Variants in SEC14L3 observed in about 807,000 individuals in gnomAD.
SEC14L3 encodes SEC14-like protein 3.
SEC14L3 carries 56 observed loss-of-function variants against 57.4 expected under a neutral mutation model. The observed-to-expected ratio is 0.97, with a 90% CI of 0.79 to 1.22. SEC14L3 has a LOEUF of 1.22. Ranked by LOEUF, SEC14L3 falls within the 50% of genes most tolerant of loss-of-function variation. The pLI is 0.00. For missense variants in SEC14L3, 485 were observed against 511.7 expected (o/e 0.95, Z 0.50); for synonymous variants, 173 against 194.4 (o/e 0.89, Z 0.92).
chr22:30,459,745 A>T lies in SEC14L3; in HGVS notation c.*276T>A. 1 of 1,129,082 alleles carries T rather than the reference A, an allele frequency of 8.9e-7. No individual in the cohort carries two copies. Among genetic ancestry groups the T allele is most frequent in the Non-Finnish European group, 1.1e-6 (1 of 916,426 alleles). 69.9% of individuals were successfully genotyped at this position (1,129,082 alleles called of 1,614,324 possible). On this transcript the variant is annotated 3_prime_UTR_variant, in exon 12 of 12. Transcript: ENST00000215812. ...GGTAGGTGAGGACAAAGGCTAGGGG[A>T]TTCATTTTGCTATTTATTGAGTTTC...
intron 12 of SEC14L3, among the ~76,000 whole-genome samples, chr22:30,450,793 C>A (rs1397756537): frequency 1.3e-5 from 2 of 152,180 alleles, no homozygotes; most frequent in Non-Finnish European, 2.9e-5. Flanking sequence ...CTTGGCTGAC[C>A]TTGTGCCAGG....
exon 13 of SEC14L3, chr22:30,448,844 A>ATCG: frequency 4.3e-6 from 2 of 460,604 alleles, no homozygotes; most frequent in Non-Finnish European, 7.8e-6. Context: ...GTGAGCTATG[A>ATCG]TCGCACCACT....
Position 30,468,700 on chromosome 22 carries a change from G to A in SEC14L3, c.235-4C>T. 1 of 1,613,506 alleles carries A rather than the reference G, an allele frequency of 6.2e-7. No homozygotes were observed. The highest frequency in any genetic ancestry group is 8.5e-7 in the Non-Finnish European group (1 of 1,179,712). On this transcript the variant is annotated splice_region_variant and splice_polypyrimidine_tract_variant and intron_variant, in intron 4 of 11. Coordinates refer to ENST00000215812, the MANE Select transcript of SEC14L3 (RefSeq NM_174975.5). Reference sequence around the variant, plus strand: ...CAGGCATGTACTTCTGGATCACCTGGGCATGAAAAGATGCACAGAACTTGG... The same window carrying A: ...CAGGCATGTACTTCTGGATCACCTGAGCATGAAAAGATGCACAGAACTTGG...
intron 8 of SEC14L3, among the ~76,000 whole-genome samples, chr22:30,462,994 CA>C (rs1344288904): frequency 3.9e-5 from 6 of 152,190 alleles, no homozygotes; most frequent in Non-Finnish European, 8.8e-5. Flanking sequence ...CTCGGCCTCC[CA>C]AAGTGCTGGG....
intron 12 of SEC14L3, among the ~76,000 whole-genome samples, chr22:30,451,574 A>C (rs1934981343): frequency 6.6e-6 from 1 of 152,226 alleles, no homozygotes; most frequent in African/African-American, 2.4e-5. Flanking sequence ...GCTGAAACTA[A>C]GACTGTGCCC....
intron 12 of SEC14L3, among the ~76,000 whole-genome samples, chr22:30,451,991 C>CAAAAAAA (rs34799395): frequency 9.0e-4 from 30 of 33,164 alleles, no homozygotes; most frequent in South Asian, 2.2e-3. Context: ...GACTCCATCT[C>CAAAAAAA]AAAAAAAAAA....
intron 5 of SEC14L3, among the ~76,000 whole-genome samples, 196 bp downstream of exon 5, chr22:30,468,312 A>G (rs1353254669): frequency 2.0e-5 from 3 of 151,068 alleles, no homozygotes; most frequent in African/African-American, 7.3e-5. Context: ...TATTCCCAGC[A>G]AAAGTATCCT....
intron 12 of SEC14L3, among the ~76,000 whole-genome samples, chr22:30,452,246 CTTTTTT>C (rs750537241): frequency 1.1e-5 from 1 of 90,024 alleles, no homozygotes; most frequent in Admixed American, 1.3e-4. Flanking sequence ...TTCTTTCTTT[CTTTTTT>C]TTTTTTTTTT....
At chr22:30,451,797 CTGGCCAACA>C (rs1432958926) in intron 12 of SEC14L3, among the ~76,000 whole-genome samples, 1 of 151,894 alleles carries the variant, frequency 6.6e-6, no homozygotes, top group Non-Finnish European at 1.5e-5. Flanking sequence ...CGAGACCAGC[CTGGCCAACA>C]TGGCAAAACT....
At chr22:30,453,053 A>T (rs1448162295) in intron 12 of SEC14L3, among the ~76,000 whole-genome samples, 1 of 152,130 alleles carries the variant, frequency 6.6e-6, no homozygotes. Flanking sequence ...GAGCCCAATT[A>T]GTATTGGCTT....
rs1428082169 is a variant in SEC14L3 at position 30,462,204 on chromosome 22, G to A, written c.665-12C>T. 5 of 1,607,598 alleles carry A rather than the reference G, an allele frequency of 3.1e-6. No individual in the cohort carries two copies. Among genetic ancestry groups the A allele is most frequent in the Non-Finnish European group, 4.2e-6 (5 of 1,176,578 alleles). On this transcript the variant is annotated splice_polypyrimidine_tract_variant and intron_variant, in intron 8 of 11. Coordinates refer to ENST00000215812, the MANE Select transcript of SEC14L3 (RefSeq NM_174975.5). Reference sequence around the variant, plus strand: ...TTCCTTCCAGTTATCTGGGAGCAGTGGGATTCAAGGGTGGTTAGCAAGCAT... The same window carrying A: ...TTCCTTCCAGTTATCTGGGAGCAGTAGGATTCAAGGGTGGTTAGCAAGCAT...
chr22:30,452,013 AAAAGAAAAG>A (rs1569224071), intron 12 of SEC14L3, among the ~76,000 whole-genome samples: 16 of 121,710 alleles, frequency 1.3e-4, no homozygotes, highest in Non-Finnish European at 2.4e-4. Flanking sequence ...AAAAAAAGAA[AAAAGAAAAG>A]AAAAGAAAAG....
exon 13 of SEC14L3, chr22:30,448,929 C>G (rs1934929051): frequency 4.7e-6 from 3 of 644,454 alleles, no homozygotes; most frequent in Non-Finnish European, 7.8e-6. Context: ...ACTTCTTTCC[C>G]TTCCTTGGTC....
Position 30,459,938 on chromosome 22 carries a change from A to G in SEC14L3, c.*83T>C, listed in dbSNP as rs116853445. ...CGTCACAGAGTCAGGAGGACTAACA[A>G]TCAATTTCAGGGAGGGAGGGAGTGT... On this transcript the variant is annotated 3_prime_UTR_variant, in exon 12 of 12. Transcript: ENST00000215812. 0.018 allele frequency: 27,886 copies of G among 1,546,204 alleles called. 397 individuals carry two copies. The highest frequency in any genetic ancestry group is 0.051 in the Middle Eastern group (292 of 5,688).
Position 30,449,615 on chromosome 22 carries a change from A to AG in SEC14L3, c.905-372dup, listed in dbSNP as rs1371121887. Among the ~76,000 whole-genome samples, 120 of 146,274 alleles carry AG rather than the reference A, an allele frequency of 8.2e-4. 2 individuals are homozygous for AG. The highest frequency in any genetic ancestry group is 2.1e-4 in the Admixed American group (3 of 14,358). On this transcript the variant is annotated intron_variant, in intron 12 of 12. Transcript: ENST00000403066. ...AGTCTTGCTCTGTCGCCCAGGCTGG[A>AG]GTGCAGTGGCGCGATCTCAGCTCAC... is the stretch of plus-strand genomic sequence containing the variant.
intron 1 of SEC14L3, among the ~76,000 whole-genome samples, chr22:30,471,545 G>A (rs1000098988): frequency 6.6e-6 from 1 of 152,218 alleles, no homozygotes; most frequent in Admixed American, 6.5e-5. Context: ...AGGGGTTAAA[G>A]GGCAGACCAG....
At chr22:30,468,988 A>G in intron 4 of SEC14L3, 1 of 1,411,504 alleles carries the variant, frequency 7.1e-7, no homozygotes, top group Non-Finnish European at 9.2e-7. Context: ...TTAGTGATGG[A>G]GAACACAGAT....
At chr22:30,469,913 G>A (rs1935545341) in intron 4 of SEC14L3, 106 bp downstream of exon 4, 1 of 813,558 alleles carries the variant, frequency 1.2e-6, no homozygotes, top group Non-Finnish European at 2.0e-6. Flanking sequence ...CTGCAGGCCT[G>A]CGGGTTCCAC....
chr22:30,449,360 G>T (rs777266478), intron 12 of SEC14L3: 23 of 1,339,248 alleles, frequency 1.7e-5, no homozygotes, highest in Non-Finnish European at 2.3e-5. Flanking sequence ...TATAAAATAG[G>T]ATTCTATGTG....
Sources: gnomAD v4.1 joint callset for allele counts (sites outside exome capture counted in the v4.1 genomes callset) on GRCh38, gnomAD v4.1.1 for gene constraint, MANE v1.5 for transcripts, NCBI Gene and HGNC (gene_info 2026-07-23, HGNC 2026-07-21) for gene names.